PTPRM: variants seen among roughly 807,000 people sequenced by gnomAD.
PTPRM encodes protein tyrosine phosphatase receptor type M.
A neutral mutation model predicts 186.7 loss-of-function variants in PTPRM; 47 were observed. The observed-to-expected ratio is 0.25, with a 90% CI of 0.20 to 0.32. PTPRM has a LOEUF of 0.32. PTPRM is among the 10% of genes least tolerant of loss of function. PTPRM has a pLI of 1.00. For synonymous variants in PTPRM, 668 were observed against 674.9 expected (o/e 0.99, Z 0.16); for missense variants, 1,494 against 1,865.0 (o/e 0.80, Z 3.66).
intron 13 of PTPRM, among the ~76,000 whole-genome samples, chr18:8,140,754 C>G (rs1282216424): frequency 6.6e-6 from 1 of 152,078 alleles, no homozygotes; most frequent in Non-Finnish European, 1.5e-5. Flanking sequence ...GAACTAAATG[C>G]ACACTGCTGT....
chr18:7,599,952 A>G (rs969390060), intron 1 of PTPRM, among the ~76,000 whole-genome samples: 13 of 152,166 alleles, frequency 8.5e-5, no homozygotes, highest in African/African-American at 2.7e-4. Context: ...TTTACCGTCT[A>G]TCTGCATGTC....
At chr18:7,787,331 A>G (rs1365121281) in intron 2 of PTPRM, among the ~76,000 whole-genome samples, 1 of 152,214 alleles carries the variant, frequency 6.6e-6, no homozygotes, top group Non-Finnish European at 1.5e-5. Flanking sequence ...GAACTGTCAT[A>G]AGAGATAGCC....
intron 14 of PTPRM, among the ~76,000 whole-genome samples, chr18:8,236,437 C>T (rs1434653885): frequency 6.6e-6 from 1 of 152,158 alleles, no homozygotes; most frequent in Non-Finnish European, 1.5e-5. Flanking sequence ...TTCTCCATCT[C>T]TTTACTTTTA....
rs544187373 is a variant in PTPRM at position 7,861,243 on chromosome 18, T to A, written c.197-26863T>A. ...TCTTGCCTTCCCTACAATTTTTTTT[T>A]AACTGGAGGTTTGCAGCTCTGTAAA... is the stretch of plus-strand genomic sequence containing the variant. On this transcript the variant is annotated intron_variant, in intron 2 of 32. Transcript: ENST00000580170. Among the ~76,000 whole-genome samples, 7 of 152,334 alleles carry A rather than the reference T, an allele frequency of 4.6e-5. No homozygotes were observed. The South Asian group carries it at 1.2e-3, about 27-fold the overall frequency.
At chr18:8,230,057 G>A (rs1319686616) in intron 14 of PTPRM, among the ~76,000 whole-genome samples, 1 of 152,200 alleles carries the variant, frequency 6.6e-6, no homozygotes, top group Admixed American at 6.5e-5. Context: ...GGTGAGGTAG[G>A]AAGATACATA....
intron 2 of PTPRM, among the ~76,000 whole-genome samples, chr18:7,875,977 G>A (rs2048221154): frequency 6.6e-6 from 1 of 152,114 alleles, no homozygotes; most frequent in African/African-American, 2.4e-5. Flanking sequence ...AATAACTGTA[G>A]GCAACTGGAA....
chr18:7,895,275 C>T (rs922657717), intron 3 of PTPRM, among the ~76,000 whole-genome samples: 3 of 152,090 alleles, frequency 2.0e-5, no homozygotes, highest in African/African-American at 7.2e-5. Context: ...GAAGCGGTGG[C>T]AGTTTGTTGA....
intron 13 of PTPRM, among the ~76,000 whole-genome samples, chr18:8,118,075 C>T (rs1379369825): frequency 6.6e-6 from 1 of 152,076 alleles, no homozygotes; most frequent in Non-Finnish European, 1.5e-5. Context: ...CAATTCTAAA[C>T]TTGTAGGGTA....
At position 8,400,458 on chromosome 18, in the gene PTPRM, C is replaced by T. The variant is rs997974051; in HGVS notation, c.4345-5651C>T. Among the ~76,000 whole-genome samples, 10 of 152,352 alleles carry T rather than the reference C, an allele frequency of 6.6e-5. 1 individual carries two copies. The highest frequency in any genetic ancestry group is 6.5e-4 in the Admixed American group (10 of 15,308). ...TCAGAAATACCAGTGCACAGGCCTG[C>T]CCCAGCCCACTTCAGCCAGAGGCTC... On this transcript the variant is annotated intron_variant, in intron 32 of 32. Coordinates refer to ENST00000580170, the MANE Select transcript of PTPRM (RefSeq NM_001105244.2).
At chr18:8,180,919 C>G (rs2093564019) in intron 14 of PTPRM, among the ~76,000 whole-genome samples, 1 of 152,102 alleles carries the variant, frequency 6.6e-6, no homozygotes, top group African/African-American at 2.4e-5. Context: ...ACCTGATGGT[C>G]GACTGATGTT....
intron 1 of PTPRM, among the ~76,000 whole-genome samples, chr18:7,637,167 C>CAG (rs374593253): frequency 0.028 from 2,005 of 72,158 alleles, 55 homozygotes; most frequent in African/African-American, 0.075. Context: ...GACCCTGACT[C>CAG]AAAAAAAAAA....
At chr18:7,772,506 T>TTCG (rs1416483174) in intron 1 of PTPRM, among the ~76,000 whole-genome samples, 2 of 118,922 alleles carry the variant, frequency 1.7e-5, no homozygotes, top group Non-Finnish European at 1.8e-5. Context: ...TCCTTCCTTC[T>TTCG]TTTTTTTCTA....
intron 1 of PTPRM, among the ~76,000 whole-genome samples, chr18:7,643,988 T>C (rs1478462576): frequency 6.6e-6 from 1 of 152,204 alleles, no homozygotes; most frequent in Non-Finnish European, 1.5e-5. Flanking sequence ...AGCACATATT[T>C]AAATATAATA....
chr18:8,052,189 T>C (rs1051987241), intron 7 of PTPRM, among the ~76,000 whole-genome samples: 2 of 152,162 alleles, frequency 1.3e-5, no homozygotes, highest in African/African-American at 2.4e-5. Context: ...AGGCTCTTTC[T>C]CAAATTTCTC....
At chr18:7,796,095 G>T (rs961405554) in intron 2 of PTPRM, among the ~76,000 whole-genome samples, 4 of 151,858 alleles carry the variant, frequency 2.6e-5, no homozygotes, top group African/African-American at 9.7e-5. Context: ...AACCACTTTT[G>T]AAACAGGATT....
chr18:7,796,080 G>A (rs1284209083), intron 2 of PTPRM, among the ~76,000 whole-genome samples: 2 of 151,964 alleles, frequency 1.3e-5, no homozygotes, highest in African/African-American at 2.4e-5. Flanking sequence ...AAAATGCTAG[G>A]AATAAACCAC....
chr18:8,307,419 G>A (rs966956530), intron 20 of PTPRM, among the ~76,000 whole-genome samples: 1 of 152,128 alleles, frequency 6.6e-6, no homozygotes, highest in Non-Finnish European at 1.5e-5. Context: ...CTGGGCTTGA[G>A]GTGGATTCAC....
chr18:7,811,358 A>C (rs1450436284), intron 2 of PTPRM, among the ~76,000 whole-genome samples: 1 of 152,098 alleles, frequency 6.6e-6, no homozygotes, highest in Non-Finnish European at 1.5e-5. Flanking sequence ...TGGGAGACTC[A>C]AACTCTCTCC....
chr18:8,132,850 G>C (rs548411159), intron 13 of PTPRM, among the ~76,000 whole-genome samples: 2 of 152,210 alleles, frequency 1.3e-5, no homozygotes, highest in South Asian at 4.1e-4. Flanking sequence ...CTTCCTGTTA[G>C]TCTCTTTTTA....
Sources: gnomAD v4.1 joint callset for allele counts (sites outside exome capture counted in the v4.1 genomes callset) on GRCh38, gnomAD v4.1.1 for gene constraint, MANE v1.5 for transcripts, NCBI Gene and HGNC (gene_info 2026-07-23, HGNC 2026-07-21) for gene names.